The following AGAP3 variants were observed in gnomAD, a reference collection of about 807,000 sequenced individuals.
The protein encoded by AGAP3 is ArfGAP with GTPase domain, ankyrin repeat and PH domain 3, also known as arf-GAP with GTPase, ANK repeat and PH domain-containing protein 3.
In AGAP3, 24 loss-of-function variants were observed where a neutral mutation model predicts 96.9. That is an observed-to-expected ratio of 0.25 (90% CI 0.18 to 0.35). The LOEUF (loss-of-function observed/expected upper bound fraction) is 0.35, where lower values mean the gene tolerates loss of function less well. Among genes scored for constraint, AGAP3 ranks in the 10% least tolerant of loss-of-function variants. The pLI, the probability that AGAP3 is intolerant of heterozygous loss-of-function variation, is 1.00. For missense variants in AGAP3, 876 were observed against 1,254.2 expected (o/e 0.70, Z 4.55); for synonymous variants, 563 against 536.1 (o/e 1.05, Z -0.69).
chr7:151,143,991 A>G lies in AGAP3; in HGVS notation c.*48A>G, dbSNP rs1316942267. Reference sequence around the variant, plus strand: ...GCCAGAAGGACTCCATGGCCCAAAGACCCTCCTCCCTGCAGGCACTGTGGG... The same window carrying G: ...GCCAGAAGGACTCCATGGCCCAAAGGCCCTCCTCCCTGCAGGCACTGTGGG... On this transcript the variant is annotated 3_prime_UTR_variant, in exon 18 of 18. Coordinates refer to ENST00000397238, the MANE Select transcript of AGAP3 (RefSeq NM_031946.7). The surrounding 1 kb of genome is among the most constrained non-coding windows in gnomAD (Gnocchi z 5.9). 6.4e-7 allele frequency: 1 copy of G among 1,558,164 alleles called. No individual in the cohort carries two copies. The highest frequency in any genetic ancestry group is 1.4e-5 in the African/African-American group (1 of 73,364).
At chr7:151,122,348 G>A (rs1030120073) in intron 8 of AGAP3, among the ~76,000 whole-genome samples, 1 of 152,186 alleles carries the variant, frequency 6.6e-6, no homozygotes, top group South Asian at 2.1e-4. Context: ...TTTCTCCCAC[G>A]CTGCAGTTGT....
intron 5 of AGAP3, 156 bp downstream of exon 5, chr7:151,117,933 G>A: frequency 8.7e-7 from 1 of 1,152,210 alleles, no homozygotes; most frequent in Non-Finnish European, 1.2e-6. Context: ...GCTCGTGTCT[G>A]AGGGCTTTTG....
intron 10 of AGAP3, among the ~76,000 whole-genome samples, chr7:151,128,894 A>G (rs562199550): frequency 6.6e-6 from 1 of 152,310 alleles, no homozygotes; most frequent in South Asian, 2.1e-4. Context: ...TGGGCGGTCA[A>G]GCTGTATATC....
chr7:151,140,376 T>C lies in AGAP3; in HGVS notation c.1804+260T>C. The C allele has an allele frequency of 9.7e-6, 3 of 310,226 alleles. No individual in the cohort carries two copies. The highest frequency in any genetic ancestry group is 1.7e-5 in the Non-Finnish European group (3 of 172,162). 19.2% of individuals were successfully genotyped at this position (310,226 alleles called of 1,614,324 possible). On this transcript the variant is annotated intron_variant, in intron 13 of 17. Transcript: ENST00000397238. The surrounding 1 kb of genome is among the most constrained non-coding windows in gnomAD (Gnocchi z 5.4). ...ATTCTTAAGGTAAAAGACAGCAGAC[T>C]GCTACATCAATAGCTCCTCTAAGAT...
chr7:151,100,453 C>G (rs1798792353), intron 1 of AGAP3, among the ~76,000 whole-genome samples: 1 of 152,230 alleles, frequency 6.6e-6, no homozygotes, highest in African/African-American at 2.4e-5. Context: ...TGCTGTCTCT[C>G]CCAGCAGCTA....
Position 151,142,240 on chromosome 7 carries a change from C to T in AGAP3, c.2037C>T (p.Asp679=). 1 of 1,613,214 alleles carries T rather than the reference C, an allele frequency of 6.2e-7. No homozygotes were observed. The highest frequency in any genetic ancestry group is 1.1e-5 in the South Asian group (1 of 91,072). The change falls in exon 15 of 18, where the codon GAC becomes GAT. Residue 679 remains aspartate (D), a synonymous_variant. Coordinates refer to ENST00000397238, the MANE Select transcript of AGAP3 (RefSeq NM_031946.7). This position sits in a 1 kb window ranked among gnomAD's most constrained non-coding sequence, Gnocchi z 7.5. ...TCCGCGGCAACAGCTTTTGTATCGA[C>T]TGCGATGCACCCAGTGAGTGCAAGG... ...RTVRGNSFCI[D]CDAPNPDWAS...
rs200258433 is a variant in AGAP3 at position 151,117,597 on chromosome 7, G to C, written c.565-39G>C. 5.9e-4 allele frequency: 959 copies of C among 1,612,408 alleles called. 10 individuals are homozygous for C. The highest frequency in any genetic ancestry group is 1.0e-4 in the Non-Finnish European group (123 of 1,178,882). ...CCTGCCCTGCATGGGAGTTTGCCAG[G>C]TCCAGTTGCGGGTGCTAATTTTACT... is the stretch of plus-strand genomic sequence containing the variant. On this transcript the variant is annotated intron_variant, in intron 4 of 17. Coordinates refer to ENST00000397238, the MANE Select transcript of AGAP3 (RefSeq NM_031946.7).
chr7:151,089,227 C>G (rs1798285805), intron 1 of AGAP3, among the ~76,000 whole-genome samples: 1 of 152,254 alleles, frequency 6.6e-6, no homozygotes, highest in African/African-American at 2.4e-5. Context: ...GAACTCCTCT[C>G]CATCTGCCAA....
At chr7:151,097,033 C>T (rs1446879872) in intron 1 of AGAP3, among the ~76,000 whole-genome samples, 1 of 152,040 alleles carries the variant, frequency 6.6e-6, no homozygotes, top group Non-Finnish European at 1.5e-5. Context: ...GATCTGCCTA[C>T]GTTGGCCTCC....
chr7:151,128,753 G>C, intron 10 of AGAP3, 69 bp downstream of exon 10: 5 of 1,345,890 alleles, frequency 3.7e-6, no homozygotes, highest in Non-Finnish European at 4.2e-6. Flanking sequence ...ACAGAATGCG[G>C]GTAGCAGACA....
In AGAP3 at chr7:151,123,777, CTT is replaced by C; in HGVS notation, c.1129-16_1129-15del. ...GACCCTGGGCCTCTTTAACACGCCT[CTT>C]GTTTTCTCTTCCAGTCTCGGAAGGG... On this transcript the variant is annotated splice_polypyrimidine_tract_variant and intron_variant, in intron 8 of 17. Transcript: ENST00000397238. The C allele has an allele frequency of 6.2e-7, 1 of 1,613,090 alleles. No homozygotes were observed. Among genetic ancestry groups the C allele is most frequent in the South Asian group, 1.1e-5 (1 of 91,068 alleles).
chr7:151,114,702 G>A lies in AGAP3; in HGVS notation c.332-2091G>A. The A allele has an allele frequency of 1.0e-6, 1 of 996,380 alleles. No homozygotes were observed. Among genetic ancestry groups the A allele is most frequent in the Non-Finnish European group, 1.2e-6 (1 of 837,686 alleles). 61.7% of individuals were successfully genotyped at this position (996,380 alleles called of 1,614,324 possible). The stretch of plus-strand genomic sequence containing the variant: ...GGCCGGAGGTCCGTGCGCCCCGGCC[G>A]CGGCCCCGGCCCGGGCCCAGCCCCG... On this transcript the variant is annotated intron_variant, in intron 1 of 17. Coordinates refer to ENST00000397238, the MANE Select transcript of AGAP3 (RefSeq NM_031946.7). This position sits in a 1 kb window ranked among gnomAD's most constrained non-coding sequence, Gnocchi z 4.4.
rs1799435953 is a variant in AGAP3, at chr7:151,114,393, C to T, written c.332-2400C>T. Among the ~76,000 whole-genome samples the T allele has an allele frequency of 6.6e-6, 1 of 152,242 alleles. No individual in the cohort carries two copies. Among genetic ancestry groups the T allele is most frequent in the Non-Finnish European group, 1.5e-5 (1 of 68,048 alleles). ...AAAATGGGGCCCAGTGTGTGGTGGA[C>T]TGAGGACTGTTATTTAGTTGGCCTG... On this transcript the variant is annotated intron_variant, in intron 1 of 17. Coordinates refer to ENST00000397238, the MANE Select transcript of AGAP3 (RefSeq NM_031946.7). The surrounding 1 kb of genome is among the most constrained non-coding windows in gnomAD (Gnocchi z 4.4).
At chr7:151,088,026 G>C (rs1272133835) in intron 1 of AGAP3, among the ~76,000 whole-genome samples, 1 of 152,252 alleles carries the variant, frequency 6.6e-6, no homozygotes, top group Admixed American at 6.5e-5. Flanking sequence ...CCACCGGCAG[G>C]TGGTGGGTTT....
intron 1 of AGAP3, among the ~76,000 whole-genome samples, chr7:151,101,067 A>G (rs1390328211): frequency 6.6e-6 from 1 of 152,158 alleles, no homozygotes; most frequent in African/African-American, 2.4e-5. Flanking sequence ...GCACGCGTCA[A>G]TCCTGGCGTC....
At position 151,114,675 on chromosome 7, in the gene AGAP3, G is replaced by C; in HGVS notation, c.332-2118G>C. ...TCGGTCGGCCCACACCAGGTGCCCA[G>C]AGGCCGGAGGTCCGTGCGCCCCGGC... is the stretch of plus-strand genomic sequence containing the variant. On this transcript the variant is annotated intron_variant, in intron 1 of 17. Coordinates refer to ENST00000397238, the MANE Select transcript of AGAP3 (RefSeq NM_031946.7). This position sits in a 1 kb window ranked among gnomAD's most constrained non-coding sequence, Gnocchi z 4.4. 1.0e-6 allele frequency: 1 copy of C among 986,190 alleles called. No homozygotes were observed. The highest frequency in any genetic ancestry group is 1.2e-6 in the Non-Finnish European group (1 of 829,222). The allele number at this position is 986,190 out of a possible 1,614,324, so 61.1% of individuals were successfully genotyped here.
chr7:151,125,557 T>C (rs1800119463), intron 9 of AGAP3, among the ~76,000 whole-genome samples: 3 of 152,214 alleles, frequency 2.0e-5, no homozygotes, highest in African/African-American at 4.8e-5. Context: ...TGACACCCTT[T>C]AGGGGGTGCC....
chr7:151,125,988 G>A (rs1421456447), intron 9 of AGAP3, among the ~76,000 whole-genome samples: 1 of 138,748 alleles, frequency 7.2e-6, no homozygotes, highest in African/African-American at 2.8e-5. Flanking sequence ...AGCTTCTTTG[G>A]AGAGGGAGTG....
rs1800830685 is a variant in AGAP3 at position 151,141,961 on chromosome 7, C to T, written c.1868C>T (p.Ala623Val). The T allele has an allele frequency of 1.2e-6, 2 of 1,612,738 alleles. No homozygotes were observed. Among genetic ancestry groups the T allele is most frequent in the Admixed American group, 1.7e-5 (1 of 59,970 alleles). Residue 623 changes from alanine to valine, a missense_variant, in exon 14 of 18, where the codon GCT (alanine) becomes GTT (valine). Ala to Val is a moderately conservative substitution (Grantham distance 64). Coordinates refer to ENST00000397238, the MANE Select transcript of AGAP3 (RefSeq NM_031946.7). This position sits in a 1 kb window ranked among gnomAD's most constrained non-coding sequence, Gnocchi z 4.2. Reference sequence around the variant, plus strand: ...ACTGGGCAGACGTGGCACTTCGAGGCTTCAACGGCGGAGGAGCGGGAGCTG... The same window carrying T: ...ACTGGGCAGACGTGGCACTTCGAGGTTTCAACGGCGGAGGAGCGGGAGCTG... ...SLTGQTWHFEASTAEERELWV... is the reference protein window; with the variant it reads ...SLTGQTWHFEVSTAEERELWV...
Sources: gnomAD v4.1 joint callset for allele counts (sites outside exome capture counted in the v4.1 genomes callset) on GRCh38, gnomAD v4.1.1 for gene constraint, Gnocchi (gnomAD v3.1) non-coding constraint, MANE v1.5 for transcripts, NCBI Gene and HGNC (gene_info 2026-07-23, HGNC 2026-07-21) for gene names.